LPP: variants seen among roughly 807,000 people sequenced by gnomAD.
LPP encodes the protein LIM domain containing preferred translocation partner in lipoma, also known as lipoma-preferred partner.
Under a neutral mutation model 60.4 loss-of-function variants are expected in LPP, and 38 were observed. That is an observed-to-expected ratio of 0.63 (90% CI 0.49 to 0.83). The LOEUF (loss-of-function observed/expected upper bound fraction) is 0.83. Among genes scored for constraint, LPP ranks in the 40% least tolerant of loss-of-function variants. The pLI is 0.00. For synonymous variants in LPP, 328 were observed against 290.8 expected (o/e 1.13, Z -1.30); for missense variants, 902 against 783.6 (o/e 1.15, Z -1.80).
intron 3 of LPP, among the ~76,000 whole-genome samples, chr3:188,383,939 G>A (rs1777528889): frequency 6.6e-6 from 1 of 152,108 alleles, no homozygotes; most frequent in Non-Finnish European, 1.5e-5. Context: ...CCAAAGAGAC[G>A]TTAATCATTG....
At chr3:188,869,665 T>G (rs1767579644) in intron 10 of LPP, among the ~76,000 whole-genome samples, 1 of 152,200 alleles carries the variant, frequency 6.6e-6, no homozygotes, top group Non-Finnish European at 1.5e-5. Flanking sequence ...TGTTAAACTT[T>G]GGATTTTAAT....
At chr3:188,370,053 G>C (rs1404347223) in intron 3 of LPP, among the ~76,000 whole-genome samples, 1 of 152,038 alleles carries the variant, frequency 6.6e-6, no homozygotes, top group Non-Finnish European at 1.5e-5. Context: ...TCAGCCTCCC[G>C]AGTAGCTGGG....
chr3:188,246,514 T>C (rs1323506951), intron 2 of LPP, among the ~76,000 whole-genome samples: 1 of 152,250 alleles, frequency 6.6e-6, no homozygotes, highest in Non-Finnish European at 1.5e-5. Flanking sequence ...CTGAAATCTC[T>C]GCTGACTTTC....
intron 1 of LPP, among the ~76,000 whole-genome samples, chr3:188,203,537 AAATATATATATATT>A (rs1174092951): frequency 5.2e-5 from 5 of 95,392 alleles, no homozygotes; most frequent in Non-Finnish European, 9.3e-5. Context: ...ATATATATTT[AAATATATATATATT>A]TTTAAATATA....
chr3:188,326,689 A>G (rs1578123193), intron 2 of LPP, among the ~76,000 whole-genome samples: 1 of 152,206 alleles, frequency 6.6e-6, no homozygotes, highest in South Asian at 2.1e-4. Flanking sequence ...GGGCCTTACT[A>G]ATATAACTAG....
chr3:188,779,334 G>A (rs560106587), intron 9 of LPP, among the ~76,000 whole-genome samples: 1 of 152,230 alleles, frequency 6.6e-6, no homozygotes, highest in East Asian at 1.9e-4. Flanking sequence ...CATTTAGTAC[G>A]ATTGACAGTA....
intron 7 of LPP, among the ~76,000 whole-genome samples, chr3:188,679,186 AC>A (rs1358423450): frequency 6.6e-6 from 1 of 152,212 alleles, no homozygotes; most frequent in Non-Finnish European, 1.5e-5. Context: ...TGGACCAACT[AC>A]TAACTGCATA....
intron 10 of LPP, among the ~76,000 whole-genome samples, chr3:188,871,111 A>G (rs1415519446): frequency 6.6e-6 from 1 of 152,200 alleles, no homozygotes; most frequent in Non-Finnish European, 1.5e-5. Flanking sequence ...GATAAATTCA[A>G]TGACAGAATT....
chr3:188,481,041 T>C (rs1027939168), intron 4 of LPP, among the ~76,000 whole-genome samples: 1 of 152,240 alleles, frequency 6.6e-6, no homozygotes, highest in African/African-American at 2.4e-5. Flanking sequence ...TCTCTAAAGC[T>C]GAACTTATTT....
intron 7 of LPP, among the ~76,000 whole-genome samples, chr3:188,639,670 G>GA (rs1849629785): frequency 6.7e-6 from 1 of 149,736 alleles, no homozygotes; most frequent in Non-Finnish European, 1.5e-5. Context: ...AAATTTACAA[G>GA]AAAAAAACAA....
chr3:188,318,541 G>A (rs1755828718), intron 2 of LPP, among the ~76,000 whole-genome samples: 1 of 151,908 alleles, frequency 6.6e-6, no homozygotes, highest in African/African-American at 2.4e-5. Flanking sequence ...ACTTGAGTTT[G>A]TAAACTCGGC....
intron 2 of LPP, among the ~76,000 whole-genome samples, chr3:188,240,699 C>G (rs181532221): frequency 1.3e-5 from 2 of 152,212 alleles, no homozygotes; most frequent in South Asian, 2.1e-4. Context: ...GGTGGGATAA[C>G]ACATCAACCT....
chr3:188,706,689 G>A (rs1334984893), intron 7 of LPP, among the ~76,000 whole-genome samples: 4 of 152,166 alleles, frequency 2.6e-5, no homozygotes, highest in Admixed American at 6.5e-5. Context: ...GGATTTTCAC[G>A]TCCAAGAGCT....
At chr3:188,243,096 A>C (rs2149485305) in intron 2 of LPP, among the ~76,000 whole-genome samples, 1 of 152,328 alleles carries the variant, frequency 6.6e-6, no homozygotes, top group South Asian at 2.1e-4. Context: ...TCTTACAGTG[A>C]TCAAACTATA....
chr3:188,201,670 G>GCACTCCACTGT (rs1478518047), intron 1 of LPP, among the ~76,000 whole-genome samples: 6 of 152,276 alleles, frequency 3.9e-5, no homozygotes, highest in Non-Finnish European at 8.8e-5. Flanking sequence ...TCATACCACT[G>GCACTCCACTGT]CACTCCAGCC....
At chr3:188,285,698 G>A (rs1366944608) in intron 2 of LPP, among the ~76,000 whole-genome samples, 3 of 152,088 alleles carry the variant, frequency 2.0e-5, no homozygotes, top group African/African-American at 7.2e-5. Flanking sequence ...CACTGTTTCT[G>A]GCCTCCTTTT....
chr3:188,297,525 A>G (rs1748338222), intron 2 of LPP, among the ~76,000 whole-genome samples: 1 of 152,230 alleles, frequency 6.6e-6, no homozygotes, highest in Non-Finnish European at 1.5e-5. Context: ...ATGAGAGACT[A>G]TATGTTGCTT....
chr3:188,252,067 TATATATATAC>T lies in LPP; in HGVS notation c.-67+26542_-67+26551del, dbSNP rs1489678890. Among the ~76,000 whole-genome samples the T allele has an allele frequency of 3.5e-3, 372 of 105,086 alleles. 1 individual carries two copies. Among genetic ancestry groups the T allele is most frequent in the African/African-American group, 0.011 (274 of 24,340 alleles). The allele number at this position is 105,086 out of a possible 152,430, so 68.9% of individuals were successfully genotyped here. On this transcript the variant is annotated intron_variant, in intron 2 of 11. Coordinates refer to ENST00000617246, the MANE Select transcript of LPP (RefSeq NM_001375462.1). ...ATATATATATATATATATATATATA[TATATATATAC>T]ACACACACACACACATATATCAGAT...
chr3:188,203,557 A>G (rs1334850528), intron 1 of LPP, among the ~76,000 whole-genome samples: 4 of 103,006 alleles, frequency 3.9e-5, no homozygotes, highest in Non-Finnish European at 7.1e-5. Flanking sequence ...ATATTTTTAA[A>G]TATATATAAA....
Sources: allele counts gnomAD v4.1 joint callset (sites outside exome capture counted in the v4.1 genomes callset), GRCh38; gene constraint gnomAD v4.1.1; transcripts MANE v1.5; gene names NCBI Gene and HGNC (gene_info 2026-07-23, HGNC 2026-07-21).